TNRC6B: variants seen among roughly 807,000 people sequenced by gnomAD.
The protein encoded by TNRC6B is trinucleotide repeat containing adaptor 6B, also known as trinucleotide repeat-containing gene 6B protein.
A neutral mutation model predicts 203.6 loss-of-function variants in TNRC6B; 52 were observed. That is an observed-to-expected ratio of 0.26 (90% CI 0.20 to 0.32). The LOEUF (loss-of-function observed/expected upper bound fraction) is 0.32. Ranked by LOEUF, TNRC6B falls within the 10% of genes least tolerant of loss-of-function variation. TNRC6B has a pLI of 1.00. For synonymous variants in TNRC6B, 838 were observed against 845.7 expected, an observed-to-expected ratio of 0.99 and a Z score of 0.16; for missense variants, 1,923 against 2,286.2, an observed-to-expected ratio of 0.84 and a Z score of 3.24.
At chr22:40,057,250 A>G (rs1056320837) in intron 1 of TNRC6B, among the ~76,000 whole-genome samples, 2 of 151,722 alleles carry the variant, frequency 1.3e-5, no homozygotes, top group African/African-American at 4.8e-5. Flanking sequence ...TTTTTTCCTA[A>G]AGGTGTTGAT....
intron 3 of TNRC6B, among the ~76,000 whole-genome samples, chr22:40,151,190 G>C (rs1332863611): frequency 6.6e-6 from 1 of 151,570 alleles, no homozygotes; most frequent in African/African-American, 2.4e-5. Flanking sequence ...AGAATCGCTT[G>C]AACCAGAGAG....
chr22:40,299,824 G>A (rs548132012), intron 12 of TNRC6B, among the ~76,000 whole-genome samples: 5 of 152,316 alleles, frequency 3.3e-5, no homozygotes, highest in Middle Eastern at 3.4e-3. Context: ...AATCATCTTA[G>A]AGGAGCAAAC....
chr22:40,052,775 C>CT (rs2067760577), intron 1 of TNRC6B, among the ~76,000 whole-genome samples: 1 of 152,114 alleles, frequency 6.6e-6, no homozygotes, highest in African/African-American at 2.4e-5. Flanking sequence ...CCCCATAGGA[C>CT]TGAGTTTCTT....
intron 7 of TNRC6B, among the ~76,000 whole-genome samples, chr22:40,274,810 A>T (rs73420526): frequency 0.029 from 4,425 of 152,288 alleles, 197 homozygotes; most frequent in African/African-American, 0.1. Flanking sequence ...CAGTTTGATG[A>T]GGACTTTGGT....
At chr22:40,134,347 A>G (rs1274485199) in intron 3 of TNRC6B, among the ~76,000 whole-genome samples, 1 of 152,180 alleles carries the variant, frequency 6.6e-6, no homozygotes, top group Non-Finnish European at 1.5e-5. Context: ...ATCATGAGAA[A>G]AACATCAGAC....
At chr22:40,105,630 T>G (rs2068276724) in intron 1 of TNRC6B, among the ~76,000 whole-genome samples, 1 of 152,188 alleles carries the variant, frequency 6.6e-6, no homozygotes, top group Non-Finnish European at 1.5e-5. Flanking sequence ...TGTCCCTTTG[T>G]TTTTGTGCTG....
Position 40,321,112 on chromosome 22 carries a change from C to T in TNRC6B, c.4997C>T (p.Thr1666Met). The part of the protein sequence containing the change: ...TPQIDGSTLR[T>M]ICMQHGPLLT... ...TAGATTGATGGGTCAACCTTGAGAACGATCTGCATGCAGCATGGCCCACTG... is the reference window on the plus strand; with the variant it reads ...TAGATTGATGGGTCAACCTTGAGAATGATCTGCATGCAGCATGGCCCACTG... Residue 1666 changes from threonine to methionine, a missense_variant, in exon 22 of 23, where the codon ACG (threonine) becomes ATG (methionine). Physicochemically the swap from Thr to Met is moderately conservative, Grantham distance 81 (BLOSUM62 -1). Around this residue, in one of 8 missense-constraint regions of TNRC6B, gnomAD observed 34 missense variants for 98.5 expected, o/e 0.35. Coordinates refer to ENST00000454349, the MANE Select transcript of TNRC6B (RefSeq NM_001162501.2). 6.2e-7 allele frequency: 1 copy of T among 1,613,952 alleles called. No homozygotes were observed. The highest frequency in any genetic ancestry group is 8.5e-7 in the Non-Finnish European group (1 of 1,179,892).
At chr22:40,245,308 C>T (rs1240904227) in intron 1 of TNRC6B, among the ~76,000 whole-genome samples, 2 of 152,028 alleles carry the variant, frequency 1.3e-5, no homozygotes, top group Non-Finnish European at 1.5e-5. Flanking sequence ...CCAGGCTGGT[C>T]TCGAACTCCT....
intron 14 of TNRC6B, 26 bp downstream of exon 14, chr22:40,301,031 A>G: frequency 1.2e-6 from 2 of 1,603,568 alleles, no homozygotes; most frequent in Non-Finnish European, 1.7e-6. Flanking sequence ...GGGTCCCTCC[A>G]GTGCTGTGTT....
chr22:40,244,950 A>G (rs369324498), intron 1 of TNRC6B, among the ~76,000 whole-genome samples: 1 of 152,210 alleles, frequency 6.6e-6, no homozygotes, highest in Non-Finnish European at 1.5e-5. Flanking sequence ...GATTCAGCAC[A>G]TTTCTCCAAC....
upstream of TNRC6B, chr22:40,177,794 G>C: frequency 2.4e-6 from 3 of 1,255,582 alleles, no homozygotes; most frequent in Non-Finnish European, 2.0e-6. Context: ...ACAAATGAAA[G>C]TGAGTGGAAA....
At chr22:40,120,526 G>A (rs1348741047) in intron 2 of TNRC6B, among the ~76,000 whole-genome samples, 2 of 152,114 alleles carry the variant, frequency 1.3e-5, no homozygotes, top group Non-Finnish European at 1.5e-5. Flanking sequence ...AATTAGAAAT[G>A]AGGTTAGTGA....
chr22:40,049,100 G>A (rs1314638319), intron 1 of TNRC6B, among the ~76,000 whole-genome samples: 1 of 152,052 alleles, frequency 6.6e-6, no homozygotes, highest in Non-Finnish European at 1.5e-5. Context: ...ATACACTGCT[G>A]GCTGGGCGCG....
Position 40,266,048 on chromosome 22 carries a change from T to G in TNRC6B, c.1818T>G (p.Thr606=), listed in dbSNP as rs758969652. Reference sequence around the variant, plus strand: ...CTGATTGTCAGGCTGTCTTGCAGACTCTTTTGAGCCGAACTGATTTGGACC... The same window carrying G: ...CTGATTGTCAGGCTGTCTTGCAGACGCTTTTGAGCCGAACTGATTTGGACC... ...THPDCQAVLQ[T]LLSRTDLDPR... is the part of the protein sequence containing the mutation. The change falls in exon 5 of 23, where the codon ACT becomes ACG. Residue 606 remains threonine (T), a synonymous_variant. Transcript: ENST00000454349. 8 of 1,613,622 alleles carry G rather than the reference T, an allele frequency of 5.0e-6. No individual in the cohort carries two copies. The highest frequency in any genetic ancestry group is 1.7e-5 in the Admixed American group (1 of 60,014).
At chr22:40,208,335 G>A (rs1170564422) in intron 1 of TNRC6B, among the ~76,000 whole-genome samples, 10 of 152,112 alleles carry the variant, frequency 6.6e-5, no homozygotes, top group African/African-American at 1.4e-4. Flanking sequence ...CTGTATGCAT[G>A]TACAGGAGGC....
intron 1 of TNRC6B, among the ~76,000 whole-genome samples, chr22:40,224,497 T>C (rs977955818): frequency 2.6e-5 from 4 of 152,202 alleles, no homozygotes; most frequent in Non-Finnish European, 2.9e-5. Context: ...CTTTGAGATA[T>C]AAATGCTGAT....
intron 11 of TNRC6B, among the ~76,000 whole-genome samples, chr22:40,282,477 G>A (rs534756991): frequency 6.6e-6 from 1 of 152,206 alleles, no homozygotes; most frequent in East Asian, 1.9e-4. Flanking sequence ...TTATTATATT[G>A]ATGTTTTGGG....
chr22:40,122,949 T>C (rs895473775), intron 2 of TNRC6B, among the ~76,000 whole-genome samples: 1 of 152,228 alleles, frequency 6.6e-6, no homozygotes, highest in African/African-American at 2.4e-5. Context: ...TCTGTTGGAC[T>C]CTTCAGTGAC....
At chr22:40,059,721 A>C (rs1385542816) in intron 1 of TNRC6B, among the ~76,000 whole-genome samples, 1 of 151,448 alleles carries the variant, frequency 6.6e-6, no homozygotes, top group Non-Finnish European at 1.5e-5. Flanking sequence ...TTTCTTTTTT[A>C]GTCTGTTAAC....
Sources: allele counts gnomAD v4.1 joint callset (sites outside exome capture counted in the v4.1 genomes callset), GRCh38; gene constraint gnomAD v4.1.1; regional missense constraint gnomAD v4.1.1; transcripts MANE v1.5; gene names NCBI Gene and HGNC (gene_info 2026-07-23, HGNC 2026-07-21).